Variants in CCDC178 observed in about 807,000 individuals in gnomAD.
CCDC178 encodes the protein coiled-coil domain containing 178.
Under a neutral mutation model 117.4 loss-of-function variants are expected in CCDC178, and 126 were observed. The observed-to-expected ratio is 1.07, with a 90% CI of 0.93 to 1.24. The LOEUF is 1.24. Ranked by LOEUF, CCDC178 falls within the 50% of genes most tolerant of loss-of-function variation. The pLI, the probability that CCDC178 is intolerant of heterozygous loss-of-function variation, is 0.00. For missense variants in CCDC178, 1,030 were observed against 986.9 expected, an observed-to-expected ratio of 1.04 and a Z score of -0.59; for synonymous variants, 283 against 313.4, an observed-to-expected ratio of 0.90 and a Z score of 1.02.
intron 21 of CCDC178, among the ~76,000 whole-genome samples, chr18:33,039,145 C>T (rs1292353436): frequency 1.3e-5 from 2 of 151,848 alleles, no homozygotes; most frequent in African/African-American, 2.4e-5. Flanking sequence ...AGAAATAAAC[C>T]ATATAATTCT....
intron 21 of CCDC178, among the ~76,000 whole-genome samples, 191 bp downstream of exon 21, chr18:33,092,570 A>G (rs2057482329): frequency 6.6e-6 from 1 of 152,096 alleles, no homozygotes; most frequent in Admixed American, 6.6e-5. Context: ...TAAGTTTTTC[A>G]TTTCTCCAAT....
chr18:33,210,170 AT>A (rs1437546761), intron 20 of CCDC178, among the ~76,000 whole-genome samples: 1 of 152,050 alleles, frequency 6.6e-6, no homozygotes, highest in African/African-American at 2.4e-5. Context: ...TAGTACTGAG[AT>A]TTTAGGATAC....
At chr18:33,273,252 G>A (rs2059910186) in intron 12 of CCDC178, among the ~76,000 whole-genome samples, 1 of 151,326 alleles carries the variant, frequency 6.6e-6, no homozygotes, top group Non-Finnish European at 1.5e-5. Context: ...CACTAGCAAT[G>A]AGCAATACAA....
rs963062609 is a variant in CCDC178 at position 33,201,611 on chromosome 18, T to G, written c.2238+10285A>C. ...CTTCAGTTGGCTGGCTCTGATGTCT[T>G]TGATGTGGGATGTGAAAAAATCAGT... On this transcript the variant is annotated intron_variant, in intron 20 of 22. Transcript: ENST00000383096. Among the ~76,000 whole-genome samples the G allele has an allele frequency of 5.9e-5, 9 of 152,080 alleles. 1 individual carries two copies. The highest frequency in any genetic ancestry group is 6.6e-5 in the Admixed American group (1 of 15,264).
chr18:33,163,168 G>A lies in CCDC178; in HGVS notation c.2238+48728C>T, dbSNP rs148336996. Among the ~76,000 whole-genome samples, 154 of 151,976 alleles carry A rather than the reference G, an allele frequency of 1.0e-3. 1 individual carries two copies. The highest frequency in any genetic ancestry group is 3.4e-3 in the Middle Eastern group (1 of 294). On this transcript the variant is annotated intron_variant, in intron 20 of 22. Coordinates refer to ENST00000383096, the MANE Select transcript of CCDC178 (RefSeq NM_001105528.4). ...TATCTCACTGTCGTTTTTGATTTGC[G>A]TTTCTCCAATGATCAGTGATATTGA...
chr18:33,226,110 A>G (rs441466), intron 16 of CCDC178, among the ~76,000 whole-genome samples: 24,433 of 152,234 alleles, frequency 0.16, 2,741 homozygotes, highest in African/African-American at 0.32. Flanking sequence ...ATGGTGAGCC[A>G]AGATCGTGCC....
intron 22 of CCDC178, among the ~76,000 whole-genome samples, chr18:32,973,568 GCACA>G (rs145104858): frequency 1.3e-5 from 2 of 150,334 alleles, no homozygotes; most frequent in Non-Finnish European, 3.0e-5. Context: ...CATATATAAA[GCACA>G]CACACACACA....
intron 3 of CCDC178, among the ~76,000 whole-genome samples, chr18:33,401,765 A>C (rs1036423186): frequency 6.6e-6 from 1 of 152,088 alleles, no homozygotes; most frequent in African/African-American, 2.4e-5. Flanking sequence ...TTTTCACTAA[A>C]TATGACACAA....
chr18:33,434,947 A>G (rs962720001), intron 2 of CCDC178, among the ~76,000 whole-genome samples: 1 of 152,160 alleles, frequency 6.6e-6, no homozygotes, highest in Non-Finnish European at 1.5e-5. Flanking sequence ...AAATTCCATT[A>G]TCAGGTGACA....
At chr18:33,164,566 A>G (rs1179513433) in intron 20 of CCDC178, among the ~76,000 whole-genome samples, 1 of 151,904 alleles carries the variant, frequency 6.6e-6, no homozygotes. Flanking sequence ...AATAAATAAC[A>G]TATTTTTTGT....
rs570022577 is a variant in CCDC178, at chr18:33,404,969, G to A, written c.58+7062C>T. On this transcript the variant is annotated intron_variant, in intron 3 of 22. Coordinates refer to ENST00000383096, the MANE Select transcript of CCDC178 (RefSeq NM_001105528.4). ...CCAGAGGCTGGGTAGAGGAGGAATGGGGAAAGAATGCTAGTGGTACAGGGT... is the reference window on the plus strand; with the variant it reads ...CCAGAGGCTGGGTAGAGGAGGAATGAGGAAAGAATGCTAGTGGTACAGGGT... 8.5e-5 allele frequency among the ~76,000 whole-genome samples: 13 copies of A among 152,096 alleles called. 1 individual carries two copies. The East Asian group carries it at 2.5e-3, about 29-fold the overall frequency.
intron 5 of CCDC178, among the ~76,000 whole-genome samples, chr18:33,371,220 T>C (rs1295709525): frequency 1.3e-5 from 2 of 152,002 alleles, no homozygotes; most frequent in Admixed American, 6.6e-5. Context: ...GCATGTTTCA[T>C]TTATAAATAA....
chr18:32,946,209 C>G (rs1490238187), intron 22 of CCDC178, among the ~76,000 whole-genome samples: 1 of 152,132 alleles, frequency 6.6e-6, no homozygotes, highest in Non-Finnish European at 1.5e-5. Flanking sequence ...AAATGTGACA[C>G]TGTTGATGAG....
At chr18:33,039,287 G>C (rs2056502556) in intron 21 of CCDC178, among the ~76,000 whole-genome samples, 1 of 152,004 alleles carries the variant, frequency 6.6e-6, no homozygotes, top group Admixed American at 6.6e-5. Flanking sequence ...GAAATGATGA[G>C]AGGACAATAA....
intron 21 of CCDC178, among the ~76,000 whole-genome samples, chr18:33,031,786 C>T (rs1166061310): frequency 2.0e-5 from 3 of 151,970 alleles, no homozygotes; most frequent in Non-Finnish European, 4.4e-5. Context: ...TAACAATGTT[C>T]ATGGCAGCAC....
intron 14 of CCDC178, among the ~76,000 whole-genome samples, chr18:33,263,134 A>T (rs1314083116): frequency 6.6e-6 from 1 of 152,206 alleles, no homozygotes; most frequent in Non-Finnish European, 1.5e-5. Context: ...ATATTGAGAG[A>T]GATTTGTTCC....
chr18:33,436,660 C>G (rs1173074599), intron 2 of CCDC178, among the ~76,000 whole-genome samples: 1 of 152,122 alleles, frequency 6.6e-6, no homozygotes. Flanking sequence ...TGTTTCAGAG[C>G]AAGATGTATC....
chr18:32,993,117 G>A lies in CCDC178; in HGVS notation c.2389-18436C>T, dbSNP rs144812046. Among the ~76,000 whole-genome samples the A allele has an allele frequency of 6.6e-3, 997 of 152,168 alleles. 14 individuals are homozygous for A. The highest frequency in any genetic ancestry group is 0.022 in the African/African-American group (924 of 41,506). On this transcript the variant is annotated intron_variant, in intron 21 of 22. Coordinates refer to ENST00000383096, the MANE Select transcript of CCDC178 (RefSeq NM_001105528.4). ...GGAGGCAGAGGTTGCAGTGAGCTGA[G>A]ATCATACCACTGCACTCCAGCCTGG...
In CCDC178 at chr18:33,379,030, T is replaced by C. The variant is rs903905005; in HGVS notation, c.209-8841A>G. 2.6e-5 allele frequency among the ~76,000 whole-genome samples: 4 copies of C among 150,972 alleles called. No individual in the cohort carries two copies. The East Asian group carries it at 7.8e-4, about 29-fold the overall frequency. The stretch of plus-strand genomic sequence containing the variant: ...GGATTAGTTTCTTCTCATCTGGAGA[T>C]GCTGGCAACTCTAAATTTTGTAAAT... On this transcript the variant is annotated intron_variant, in intron 5 of 22. Transcript: ENST00000383096.
Sources: gnomAD v4.1 joint callset for allele counts (sites outside exome capture counted in the v4.1 genomes callset) on GRCh38, gnomAD v4.1.1 for gene constraint, MANE v1.5 for transcripts, NCBI Gene and HGNC (gene_info 2026-07-23, HGNC 2026-07-21) for gene names.